Variants in MAMDC2 observed in about 807,000 individuals in gnomAD.
MAMDC2 encodes the protein MAM domain-containing protein 2.
Under a neutral mutation model 89.8 loss-of-function variants are expected in MAMDC2, and 57 were observed. The ratio of observed to expected loss-of-function variants is 0.63; its 90% CI spans 0.51 to 0.79. MAMDC2 has a LOEUF of 0.79. Ranked by LOEUF, MAMDC2 falls within the 30% of genes least tolerant of loss-of-function variation. The probability of loss-of-function intolerance (pLI) is 0.00; values close to 1 mark genes in which losing one functional copy is unlikely to be tolerated. For synonymous variants in MAMDC2, 313 were observed against 293.4 expected, an observed-to-expected ratio of 1.07 and a Z score of -0.68; for missense variants, 800 against 820.6, an observed-to-expected ratio of 0.97 and a Z score of 0.31.
chr9:70,131,337 C>T lies in MAMDC2; in HGVS notation c.901-182C>T, dbSNP rs1011058314. Among the ~76,000 whole-genome samples the T allele has an allele frequency of 2.6e-5, 4 of 152,122 alleles. No homozygotes were observed. In the South Asian group the frequency reaches 8.3e-4, roughly 32 times the overall value. The stretch of plus-strand genomic sequence containing the variant: ...CTCAGATCATAGCAGTTTCATTCTC[C>T]CAAAAAGAGACTGTAGGTTGAGGAG... On this transcript the variant is annotated intron_variant, in intron 6 of 13. Transcript: ENST00000377182.
At chr9:70,179,719 G>A (rs940131455) in intron 11 of MAMDC2, among the ~76,000 whole-genome samples, 1 of 149,100 alleles carries the variant, frequency 6.7e-6, no homozygotes, top group Non-Finnish European at 1.5e-5. Context: ...TAAAATTCCA[G>A]CCAGGATGGG....
At chr9:70,151,778 T>G (rs1276688469) in intron 9 of MAMDC2, among the ~76,000 whole-genome samples, 1 of 152,168 alleles carries the variant, frequency 6.6e-6, no homozygotes, top group Non-Finnish European at 1.5e-5. Flanking sequence ...TTCTTTTCAG[T>G]GTCCTTGACA....
chr9:70,093,087 GTATA>G (rs1827942068), intron 2 of MAMDC2, among the ~76,000 whole-genome samples: 1 of 152,104 alleles, frequency 6.6e-6, no homozygotes, highest in South Asian at 2.1e-4. Flanking sequence ...ATGTGTGTGT[GTATA>G]TATATTTATT....
chr9:70,135,464 G>C (rs1369460581), intron 7 of MAMDC2, among the ~76,000 whole-genome samples: 2 of 150,918 alleles, frequency 1.3e-5, no homozygotes, highest in East Asian at 4.1e-4. Flanking sequence ...CCTGAGTTAT[G>C]CTTTTGAGAT....
chr9:70,070,692 A>T (rs1461016952), intron 2 of MAMDC2, among the ~76,000 whole-genome samples: 1 of 152,158 alleles, frequency 6.6e-6, no homozygotes, highest in African/African-American at 2.4e-5. Flanking sequence ...ACTGAATTAT[A>T]TTCAAACTTC....
chr9:70,096,996 G>A (rs1464384011), intron 2 of MAMDC2, among the ~76,000 whole-genome samples: 1 of 152,188 alleles, frequency 6.6e-6, no homozygotes, highest in East Asian at 1.9e-4. Flanking sequence ...CCAGATGTGG[G>A]AGAAGTTTCT....
intron 4 of MAMDC2, among the ~76,000 whole-genome samples, chr9:70,110,455 G>A (rs561939753): frequency 1.3e-5 from 2 of 152,330 alleles, no homozygotes; most frequent in Non-Finnish European, 2.9e-5. Context: ...GTGCACTGGA[G>A]CAGGAGTTTC....
rs918266043 is a variant in MAMDC2 at position 70,090,150 on chromosome 9, CAT to C, written c.149-18059_149-18058del. 3.7e-5 allele frequency among the ~76,000 whole-genome samples: 5 copies of C among 134,900 alleles called. 1 individual carries two copies. The highest frequency in any genetic ancestry group is 4.9e-4 in the South Asian group (2 of 4,102). The allele number at this position is 134,900 out of a possible 152,430, so 88.5% of individuals were successfully genotyped here. On this transcript the variant is annotated intron_variant, in intron 2 of 13. Coordinates refer to ENST00000377182, the MANE Select transcript of MAMDC2 (RefSeq NM_153267.5). ...ACACACACACACACACACACACACA[CAT>C]AAAAATATCAGTGGCTTTTAAACAT...
intron 9 of MAMDC2, among the ~76,000 whole-genome samples, chr9:70,146,516 A>T (rs1382551271): frequency 6.6e-6 from 1 of 152,220 alleles, no homozygotes; most frequent in East Asian, 1.9e-4. Context: ...GTAAGCAGGA[A>T]ACTAAAGTTC....
At chr9:70,130,212 G>C (rs963367752) in intron 6 of MAMDC2, among the ~76,000 whole-genome samples, 1 of 152,102 alleles carries the variant, frequency 6.6e-6, no homozygotes, top group Non-Finnish European at 1.5e-5. Flanking sequence ...CTTCAACACA[G>C]GAATTGTGTG....
At position 70,044,215 on chromosome 9, in the gene MAMDC2, C is replaced by A. The variant is rs1205593475; in HGVS notation, c.18C>A (p.Val6=). The A allele has an allele frequency of 6.2e-7, 1 of 1,613,546 alleles. No individual in the cohort carries two copies. Among genetic ancestry groups the A allele is most frequent in the Admixed American group, 1.7e-5 (1 of 60,034 alleles). Residue 6 remains valine, a synonymous_variant, in exon 1 of 14, where the codon GTC becomes GTA. Transcript: ENST00000377182. MLLRG[V]LLALQALQLA... ...ACGCGACCATGCTGTTAAGGGGCGTCCTCCTGGCGTTGCAAGGTAAGGCCT... is the reference window on the plus strand; with the variant it reads ...ACGCGACCATGCTGTTAAGGGGCGTACTCCTGGCGTTGCAAGGTAAGGCCT...
At chr9:70,170,419 T>C in intron 10 of MAMDC2, 60 bp from the exon 11 acceptor site, 1 of 1,530,884 alleles carries the variant, frequency 6.5e-7, no homozygotes, top group South Asian at 1.3e-5. Flanking sequence ...AGTGGGCTGC[T>C]AGCAACACAG....
intron 9 of MAMDC2, chr9:70,154,322 A>G (rs1287377753): frequency 6.6e-6 from 1 of 152,160 alleles, no homozygotes; most frequent in Non-Finnish European, 1.5e-5. Context: ...ATAGGTGTTG[A>G]TGGTAAGGAA....
In MAMDC2 at chr9:70,225,964, A is replaced by G. The variant is rs756391695; in HGVS notation, c.1997-4A>G. 5 of 1,565,588 alleles carry G rather than the reference A, an allele frequency of 3.2e-6. No homozygotes were observed. The highest frequency in any genetic ancestry group is 2.3e-5 in the East Asian group (1 of 44,254). On this transcript the variant is annotated splice_polypyrimidine_tract_variant and splice_region_variant and intron_variant, in intron 13 of 13. Transcript: ENST00000377182. ...TGTTATTGTATATTTGTCTTTCCTG[A>G]CAGAAATGGAAGATACAACTCAACA...
chr9:70,129,003 C>T (rs1343561111), intron 6 of MAMDC2, among the ~76,000 whole-genome samples: 1 of 152,124 alleles, frequency 6.6e-6, no homozygotes, highest in Non-Finnish European at 1.5e-5. Flanking sequence ...TGTTATGTGC[C>T]TGACTCTGTG....
intron 5 of MAMDC2, among the ~76,000 whole-genome samples, chr9:70,125,517 G>T (rs2030492135): frequency 6.6e-6 from 1 of 152,204 alleles, no homozygotes; most frequent in Non-Finnish European, 1.5e-5. Context: ...GCCAGCCTCT[G>T]GGTCCAGAGC....
chr9:70,058,477 G>A (rs565629306), intron 2 of MAMDC2, among the ~76,000 whole-genome samples: 1 of 152,170 alleles, frequency 6.6e-6, no homozygotes, highest in South Asian at 2.1e-4. Flanking sequence ...GTTTCTTTTG[G>A]GTATATATTG....
rs560191095 is a variant in MAMDC2, at chr9:70,186,350, A to T, written c.1651+15719A>T. Among the ~76,000 whole-genome samples, 328 of 152,110 alleles carry T rather than the reference A, an allele frequency of 2.2e-3. 2 individuals carry two copies. The highest frequency in any genetic ancestry group is 6.8e-3 in the Middle Eastern group (2 of 294). On this transcript the variant is annotated intron_variant, in intron 11 of 13. Coordinates refer to ENST00000377182, the MANE Select transcript of MAMDC2 (RefSeq NM_153267.5). The stretch of plus-strand genomic sequence containing the variant: ...TATTTTTGGTGCATGTCTGCTGCTG[A>T]TTCTTTCAGTTTTTGTTTGTCTGGG...
At chr9:70,169,352 A>C (rs752710963) in intron 10 of MAMDC2, among the ~76,000 whole-genome samples, 23 of 152,204 alleles carry the variant, frequency 1.5e-4, no homozygotes, top group Non-Finnish European at 2.9e-4. Flanking sequence ...TGCATAACTC[A>C]ATCCCAATCA....
Sources: gnomAD v4.1 joint callset for allele counts (sites outside exome capture counted in the v4.1 genomes callset) on GRCh38, gnomAD v4.1.1 for gene constraint, MANE v1.5 for transcripts, NCBI Gene and HGNC (gene_info 2026-07-23, HGNC 2026-07-21) for gene names.